IFT140: variants seen among roughly 807,000 people sequenced by gnomAD.
IFT140 encodes intraflagellar transport 140.
A neutral mutation model predicts 164.6 loss-of-function variants in IFT140; 133 were observed. The observed-to-expected ratio is 0.81, with a 90% CI of 0.70 to 0.93. IFT140 has a LOEUF of 0.93. Ranked by LOEUF, IFT140 falls within the 40% of genes least tolerant of loss-of-function variation. The pLI is 0.00. For missense variants in IFT140, 2,045 were observed against 1,972.3 expected, an observed-to-expected ratio of 1.04 and a Z score of -0.70; for synonymous variants, 860 against 817.3, an observed-to-expected ratio of 1.05 and a Z score of -0.89.
At chr16:1,589,352 G>A (rs991212042) in intron 7 of IFT140, among the ~76,000 whole-genome samples, 1 of 152,134 alleles carries the variant, frequency 6.6e-6, no homozygotes, top group Non-Finnish European at 1.5e-5. Context: ...TTGGGGGTGG[G>A]CCCAGGCTGT....
intron 19 of IFT140, among the ~76,000 whole-genome samples, chr16:1,546,925 C>A (rs1201778725): frequency 6.6e-6 from 1 of 152,228 alleles, no homozygotes; most frequent in Non-Finnish European, 1.5e-5. Context: ...GAGGTCGTGG[C>A]CATGCAATGG....
intron 19 of IFT140, among the ~76,000 whole-genome samples, chr16:1,529,040 G>A (rs768111111): frequency 1.3e-5 from 2 of 152,188 alleles, no homozygotes; most frequent in African/African-American, 2.4e-5. Flanking sequence ...GGGGCTGGAC[G>A]CAGGTTCCTG....
intron 7 of IFT140, 99 bp from the exon 8 acceptor site, chr16:1,588,123 A>G (rs889984211): frequency 9.2e-6 from 8 of 870,882 alleles, no homozygotes; most frequent in Non-Finnish European, 1.5e-5. Flanking sequence ...GACTTCATGG[A>G]GACTCACCAA....
At chr16:1,557,137 C>T (rs1480943068) in intron 19 of IFT140, among the ~76,000 whole-genome samples, 1 of 152,214 alleles carries the variant, frequency 6.6e-6, no homozygotes, top group Non-Finnish European at 1.5e-5. Context: ...AAGGTTTAAA[C>T]TGGCCACAGG....
At position 1,532,319 on chromosome 16, in the gene IFT140, C is replaced by T. The variant is rs139030010; in HGVS notation, c.2400-5523G>A. The T allele has an allele frequency of 7.0e-3, 1,063 of 152,456 alleles. 7 individuals carry two copies. Among genetic ancestry groups the T allele is most frequent in the Non-Finnish European group, 0.01 (706 of 68,096 alleles). 9.4% of individuals were successfully genotyped at this position (152,456 alleles called of 1,614,324 possible). ...GACGGACACGTCTGCGACAAATCCCCGGGGAAAATCCCCCCCAGGCACGTC... is the reference window on the plus strand; with the variant it reads ...GACGGACACGTCTGCGACAAATCCCTGGGGAAAATCCCCCCCAGGCACGTC... On this transcript the variant is annotated intron_variant, in intron 19 of 30. Transcript: ENST00000426508.
intron 19 of IFT140, chr16:1,554,968 C>A: frequency 6.2e-7 from 1 of 1,613,980 alleles, no homozygotes; most frequent in South Asian, 1.1e-5. Flanking sequence ...ATCAGCCGCT[C>A]CCTGACAGCG....
chr16:1,529,961 C>T (rs141990436), intron 19 of IFT140, among the ~76,000 whole-genome samples: 97 of 152,076 alleles, frequency 6.4e-4, no homozygotes, highest in African/African-American at 2.1e-3. Flanking sequence ...TTCTACAGAT[C>T]GGATGGAAGG....
chr16:1,525,978 C>T lies in IFT140; in HGVS notation c.2677G>A (p.Glu893Lys), dbSNP rs372746686. Residue 893 changes from glutamate (E) to lysine (K), a missense_variant, in exon 21 of 31, where the codon GAG becomes AAG. By Grantham distance (56) the Glu-to-Lys change is moderately conservative. Transcript: ENST00000426508. ...CGCAGGTGCACGCGATCGTGGTGCTCGGCTACCTGGAGGGCCTCCTGCCAC... is the reference window on the plus strand; with the variant it reads ...CGCAGGTGCACGCGATCGTGGTGCTTGGCTACCTGGAGGGCCTCCTGCCAC... ...GRWQEALQVA[E>K]HHDRVHLRST... The T allele has an allele frequency of 1.9e-5, 30 of 1,592,298 alleles. No homozygotes were observed. Among genetic ancestry groups the T allele is most frequent in the Non-Finnish European group, 2.2e-5 (26 of 1,170,538 alleles).
chr16:1,563,342 T>A (rs193001804), intron 17 of IFT140, among the ~76,000 whole-genome samples: 1 of 150,360 alleles, frequency 6.7e-6, no homozygotes, highest in East Asian at 2.1e-4. Flanking sequence ...TCGCCCAGGC[T>A]GGAGAGCAGT....
At chr16:1,565,861 T>C (rs2033685144) in intron 16 of IFT140, among the ~76,000 whole-genome samples, 1 of 152,114 alleles carries the variant, frequency 6.6e-6, no homozygotes, top group African/African-American at 2.4e-5. Context: ...GGGTCTGAGG[T>C]CACCACATTT....
At chr16:1,550,573 G>A (rs954212810) in intron 19 of IFT140, among the ~76,000 whole-genome samples, 2 of 152,370 alleles carry the variant, frequency 1.3e-5, no homozygotes, top group Middle Eastern at 3.4e-3. Flanking sequence ...GCGTCTCAGG[G>A]CTGGGGTGGC....
At chr16:1,579,913 G>A (rs375284645) in intron 13 of IFT140, among the ~76,000 whole-genome samples, 1 of 150,288 alleles carries the variant, frequency 6.7e-6, no homozygotes, top group East Asian at 2.0e-4. Flanking sequence ...GCAGCGAGCT[G>A]AGATCACGCC....
intron 30 of IFT140, among the ~76,000 whole-genome samples, chr16:1,517,597 A>G (rs2040403156): frequency 6.6e-6 from 1 of 152,332 alleles, no homozygotes; most frequent in African/African-American, 2.4e-5. Flanking sequence ...CTGCGGCTGA[A>G]TAAGTGATTA....
At chr16:1,573,886 A>C (rs1484528254) in intron 13 of IFT140, among the ~76,000 whole-genome samples, 1 of 152,206 alleles carries the variant, frequency 6.6e-6, no homozygotes, top group Non-Finnish European at 1.5e-5. Context: ...AAATTGGGGA[A>C]AGGAAAGAAC....
intron 19 of IFT140, among the ~76,000 whole-genome samples, chr16:1,552,201 A>G (rs977625583): frequency 6.6e-6 from 1 of 152,192 alleles, no homozygotes; most frequent in African/African-American, 2.4e-5. Flanking sequence ...GGCTGTGGCC[A>G]TGGCGGGCTG....
intron 26 of IFT140, among the ~76,000 whole-genome samples, chr16:1,522,226 G>A (rs903693833): frequency 6.6e-6 from 1 of 152,030 alleles, no homozygotes; most frequent in Non-Finnish European, 1.5e-5. Flanking sequence ...GTGTGGTGGT[G>A]GGCGCCTGTA....
intron 30 of IFT140, among the ~76,000 whole-genome samples, chr16:1,516,304 G>A (rs1344574483): frequency 2.6e-5 from 4 of 151,942 alleles, no homozygotes; most frequent in Admixed American, 6.6e-5. Flanking sequence ...TATAATACAT[G>A]TACATGTTAC....
rs113216558 is a variant in IFT140 at position 1,511,125 on chromosome 16, C to T, written c.4208G>A (p.Arg1403Gln). 253 of 1,609,028 alleles carry T rather than the reference C, an allele frequency of 1.6e-4. 2 individuals carry two copies. The African/African-American group carries it at 1.6e-3, about 10-fold the overall frequency. ...QTAYRFLEEMRRRLPLANMSY... is the reference protein window; with the variant it reads ...QTAYRFLEEMQRRLPLANMSY... ...CATGTTGGCCAAGGGAAGCCGCCGC[C>T]GCATCTCCTCCAGGAATCTGTAGGC... is the stretch of plus-strand genomic sequence containing the variant. Residue 1403 changes from arginine (R) to glutamine (Q), a missense_variant, in exon 31 of 31, where the codon CGG becomes CAG. Arg to Gln is a conservative substitution (Grantham distance 43). Transcript: ENST00000426508.
chr16:1,541,612 C>T (rs1195645444), intron 19 of IFT140: 5 of 504,826 alleles, frequency 9.9e-6, no homozygotes, highest in Admixed American at 6.4e-5. Flanking sequence ...TCAAGTCAGG[C>T]AGAGAGGAAC....
Sources: allele counts gnomAD v4.1 joint callset (sites outside exome capture counted in the v4.1 genomes callset), GRCh38; gene constraint gnomAD v4.1.1; transcripts MANE v1.5; gene names NCBI Gene and HGNC (gene_info 2026-07-23, HGNC 2026-07-21).